GPNMB: variants seen among roughly 807,000 people sequenced by gnomAD.
GPNMB encodes the protein transmembrane glycoprotein NMB.
In GPNMB, 71 loss-of-function variants were observed where a neutral mutation model predicts 57.3. The ratio of observed to expected loss-of-function variants is 1.24; its 90% CI spans 1.02 to 1.51. The LOEUF is 1.51. GPNMB is among the 40% of genes most tolerant of loss of function. The pLI is 0.00. For missense variants in GPNMB, 677 were observed against 691.9 expected (o/e 0.98, Z 0.24); for synonymous variants, 253 against 263.2 (o/e 0.96, Z 0.38).
At chr7:23,249,011 T>G (rs1334627382) in intron 1 of GPNMB, among the ~76,000 whole-genome samples, 1 of 152,222 alleles carries the variant, frequency 6.6e-6, no homozygotes, top group Non-Finnish European at 1.5e-5. Flanking sequence ...CTCAAACTTC[T>G]GGGCTCAGTC....
rs780454951 is a variant in GPNMB, at chr7:23,260,673, T to C, written c.918T>C (p.Asn306=). The C allele has an allele frequency of 2.9e-5, 47 of 1,613,898 alleles. No homozygotes were observed. Among genetic ancestry groups the C allele is most frequent in the Non-Finnish European group, 3.7e-5 (44 of 1,179,894 alleles). Residue 306 remains asparagine (N), a synonymous_variant, in exon 6 of 11, where the codon AAT becomes AAC. Transcript: ENST00000258733. ...CTGTGAATCACACGTATGTGCTCAA[T>C]GGAACCTTCAGCCTTAACCTCACTG... ...NHTVNHTYVL[N]GTFSLNLTVK...
chr7:23,272,817 G>A (rs1040276081), intron 9 of GPNMB, among the ~76,000 whole-genome samples: 20 of 150,718 alleles, frequency 1.3e-4, no homozygotes, highest in African/African-American at 4.7e-4. Context: ...AGTGACAGAT[G>A]TTACATGGAA....
intron 4 of GPNMB, 64 bp from the exon 5 acceptor site, chr7:23,259,916 G>A (rs377508348): frequency 1.3e-6 from 2 of 1,500,560 alleles, no homozygotes; most frequent in African/African-American, 1.4e-5. Flanking sequence ...TAGTCTTTAA[G>A]GAACAGCTTC....
At chr7:23,263,868 C>CAA (rs112399978) in intron 6 of GPNMB, among the ~76,000 whole-genome samples, 85 of 151,748 alleles carry the variant, frequency 5.6e-4, no homozygotes, top group South Asian at 1.7e-3. Context: ...ATTGTTTGGC[C>CAA]AAAAAATATG....
chr7:23,260,866 A>G (rs887017784), intron 6 of GPNMB, 93 bp downstream of exon 6: 2 of 1,024,464 alleles, frequency 2.0e-6, no homozygotes, highest in Middle Eastern at 2.2e-4. Flanking sequence ...TTAAGGGGAT[A>G]TTGTAAGGAC....
intron 6 of GPNMB, among the ~76,000 whole-genome samples, chr7:23,263,574 T>G (rs573869743): frequency 2.9e-4 from 43 of 146,836 alleles, no homozygotes; most frequent in African/African-American, 9.4e-4. Flanking sequence ...ATCGCGCCAT[T>G]GCACTCCAGC....
chr7:23,260,660 C>T lies in GPNMB; in HGVS notation c.905C>T (p.Thr302Met), dbSNP rs1420482289. Reference sequence around the variant, plus strand: ...TCCACCAATCATACTGTGAATCACACGTATGTGCTCAATGGAACCTTCAGC... The same window carrying T: ...TCCACCAATCATACTGTGAATCACATGTATGTGCTCAATGGAACCTTCAGC... ...FVSTNHTVNH[T>M]YVLNGTFSLN... The change falls in exon 6 of 11, where the codon ACG becomes ATG. Residue 302 changes from threonine to methionine, a missense_variant. Physicochemically the swap from Thr to Met is moderately conservative, Grantham distance 81 (BLOSUM62 -1). Coordinates refer to ENST00000258733, the MANE Select transcript of GPNMB (RefSeq NM_002510.3). The T allele has an allele frequency of 5.6e-6, 9 of 1,613,150 alleles. No individual in the cohort carries two copies. The highest frequency in any genetic ancestry group is 1.3e-5 in the African/African-American group (1 of 75,014).
In GPNMB at chr7:23,266,519, C is replaced by G; in HGVS notation, c.1021C>G (p.Pro341Ala). The G allele has an allele frequency of 2.5e-6, 4 of 1,612,682 alleles. No homozygotes were observed. The highest frequency in any genetic ancestry group is 3.4e-6 in the Non-Finnish European group (4 of 1,178,700). The change falls in exon 7 of 11, where the codon CCT becomes GCT. Residue 341 changes from proline (P) to alanine (A), a missense_variant and splice_region_variant. By Grantham distance (27) the Pro-to-Ala change is conservative. Coordinates refer to ENST00000258733, the MANE Select transcript of GPNMB (RefSeq NM_002510.3). ...RPSKPTPSLG[P>A]AGDNPLELSR... ...ATCTTATGATTCAAACACCCCAGGA[C>G]CTGCTGGTGACAACCCCCTGGAGCT...
intron 9 of GPNMB, chr7:23,273,139 G>A (rs1783249967): frequency 1.2e-5 from 2 of 166,450 alleles, no homozygotes. Context: ...AGCACGGGGA[G>A]TATGGCCAAC....
chr7:23,264,570 T>C (rs1783013631), intron 6 of GPNMB, among the ~76,000 whole-genome samples: 1 of 152,018 alleles, frequency 6.6e-6, no homozygotes, highest in Non-Finnish European at 1.5e-5. Context: ...GGAGACTAGG[T>C]TCCACCATGT....
chr7:23,258,277 C>A (rs1474604047), intron 4 of GPNMB, among the ~76,000 whole-genome samples: 1 of 152,190 alleles, frequency 6.6e-6, no homozygotes, highest in African/African-American at 2.4e-5. Context: ...TTAGAGAGAG[C>A]TCCTCTTCCT....
At chr7:23,258,721 A>G (rs910565341) in intron 4 of GPNMB, among the ~76,000 whole-genome samples, 24 of 152,244 alleles carry the variant, frequency 1.6e-4, no homozygotes, top group African/African-American at 5.1e-4. Context: ...TGAAACTAAC[A>G]TTTTCCTCAC....
In GPNMB at chr7:23,260,729, C is replaced by A. The variant is rs2128482975; in HGVS notation, c.974C>A (p.Pro325Gln). Residue 325 changes from proline (P) to glutamine (Q), a missense_variant, in exon 6 of 11, where the codon CCA becomes CAA. Pro to Gln is a moderately conservative substitution (Grantham distance 76). Transcript: ENST00000258733. ...GCTGCAGCACCAGGACCTTGTCCGC[C>A]ACCGCCACCACCACCCAGACCTTCA... ...VKAAAPGPCP[P>Q]PPPPPRPSKP... The A allele has an allele frequency of 6.3e-7, 1 of 1,591,178 alleles. No individual in the cohort carries two copies. Among genetic ancestry groups the A allele is most frequent in the South Asian group, 1.1e-5 (1 of 88,218 alleles).
chr7:23,251,327 A>T (rs1782655790), intron 1 of GPNMB, among the ~76,000 whole-genome samples: 3 of 152,234 alleles, frequency 2.0e-5, no homozygotes, highest in Admixed American at 6.5e-5. Context: ...GATCTCTCCC[A>T]GGATTTAAGA....
In GPNMB at chr7:23,270,044, A is replaced by G; in HGVS notation, c.1298A>G (p.Asp433Gly). The G allele has an allele frequency of 1.2e-6, 2 of 1,613,896 alleles. No homozygotes were observed. Among genetic ancestry groups the G allele is most frequent in the South Asian group, 1.1e-5 (1 of 91,076 alleles). Residue 433 changes from aspartate to glycine, a missense_variant, in exon 9 of 11, where the codon GAT (aspartate) becomes GGT (glycine). Physicochemically the swap from Asp to Gly is moderately conservative, Grantham distance 94 (BLOSUM62 -1). Transcript: ENST00000258733. ...ITQNTVCSPV[D>G]VDEMCLLTVR... Reference sequence around the variant, plus strand: ...CAGAACACAGTCTGCAGCCCTGTGGATGTGGATGAGATGTGTCTGCTGACT... The same window carrying G: ...CAGAACACAGTCTGCAGCCCTGTGGGTGTGGATGAGATGTGTCTGCTGACT...
At chr7:23,268,772 G>C (rs1783129136) in intron 8 of GPNMB, among the ~76,000 whole-genome samples, 1 of 152,162 alleles carries the variant, frequency 6.6e-6, no homozygotes, top group African/African-American at 2.4e-5. Context: ...ATGAGGGTGA[G>C]GGTGGCAGAA....
chr7:23,271,667 G>C (rs57729861), intron 9 of GPNMB, among the ~76,000 whole-genome samples: 3,982 of 151,972 alleles, frequency 0.026, 161 homozygotes, highest in African/African-American at 0.092. Flanking sequence ...ATGGTGGTGG[G>C]CGCCTGTAGT....
At chr7:23,271,543 C>A (rs551969862) in intron 9 of GPNMB, among the ~76,000 whole-genome samples, 8 of 152,310 alleles carry the variant, frequency 5.3e-5, no homozygotes, top group Admixed American at 5.2e-4. Flanking sequence ...CGCCTGTAAT[C>A]CCAGCACTTT....
chr7:23,273,652 G>A (rs1437201106), intron 10 of GPNMB, 38 bp downstream of exon 10: 45 of 1,247,370 alleles, frequency 3.6e-5, no homozygotes, highest in Non-Finnish European at 5.3e-5. Flanking sequence ...TCACTATAGT[G>A]TATTGTCAAA....
Sources: allele counts gnomAD v4.1 joint callset (sites outside exome capture counted in the v4.1 genomes callset), GRCh38; gene constraint gnomAD v4.1.1; transcripts MANE v1.5; gene names NCBI Gene and HGNC (gene_info 2026-07-23, HGNC 2026-07-21).